Variants in ZNF292 observed in about 807,000 individuals in gnomAD.
ZNF292 encodes the protein zinc finger protein 292.
Under a neutral mutation model 217.9 loss-of-function variants are expected in ZNF292, and 26 were observed. That is an observed-to-expected ratio of 0.12 (90% CI 0.09 to 0.17). The LOEUF (loss-of-function observed/expected upper bound fraction) is 0.17. ZNF292 is among the 10% of genes least tolerant of loss of function. The pLI, the probability that ZNF292 is intolerant of heterozygous loss-of-function variation, is 1.00. For synonymous variants in ZNF292, 1,257 were observed against 1,124.1 expected (o/e 1.12, Z -2.37); for missense variants, 2,904 against 3,175.2 (o/e 0.91, Z 2.05).
In ZNF292 at chr6:87,259,982, A is replaced by C; in HGVS notation, c.6353A>C (p.His2118Pro). 1 of 1,613,640 alleles carries C rather than the reference A, an allele frequency of 6.2e-7. No individual in the cohort carries two copies. The change falls in exon 8 of 8, where the codon CAC (histidine) becomes CCC (proline). Residue 2118 changes from histidine (H) to proline (P), a missense_variant. Transcript: ENST00000369577. ...YSPYRPYRCV[H>P]QGCFAAFTIQ... ...CCTTACAGACCTTATCGATGTGTTC[A>C]CCAGGGATGCTTTGCTGCCTTTACG...
intron 1 of ZNF292, among the ~76,000 whole-genome samples, chr6:87,198,815 C>T (rs558208351): frequency 5.6e-4 from 85 of 152,320 alleles, no homozygotes; most frequent in African/African-American, 2.0e-3. Context: ...AATATTCTTA[C>T]TAAATGGGAT....
rs1483745287 is a variant in ZNF292, at chr6:87,264,184, T to A, written c.*2383T>A. 7 of 152,308 alleles carry A rather than the reference T, an allele frequency of 4.6e-5. No individual in the cohort carries two copies. In the East Asian group the frequency reaches 1.3e-3, roughly 29 times the overall value. 9.4% of individuals were successfully genotyped at this position (152,308 alleles called of 1,614,324 possible). A position where few individuals can be genotyped will look rare whatever the true frequency, so the allele number is the denominator to read the frequency against. On this transcript the variant is annotated 3_prime_UTR_variant, in exon 8 of 8. Coordinates refer to ENST00000369577, the MANE Select transcript of ZNF292 (RefSeq NM_015021.3). ...AGTATTAAAAAATCATAAAATATATTTTTTTCATGGTATACTTTTCCCCAG... is the reference window on the plus strand; with the variant it reads ...AGTATTAAAAAATCATAAAATATATATTTTTCATGGTATACTTTTCCCCAG...
At chr6:87,169,746 A>G (rs1349623034) in intron 1 of ZNF292, 2 of 434,916 alleles carry the variant, frequency 4.6e-6, no homozygotes, top group African/African-American at 4.1e-5. Context: ...TCCCGGGCTC[A>G]AGTGATCCTC....
intron 1 of ZNF292, among the ~76,000 whole-genome samples, chr6:87,176,391 C>A (rs1249112193): frequency 6.6e-6 from 1 of 152,086 alleles, no homozygotes; most frequent in Admixed American, 6.5e-5. Context: ...TCTTAATGTT[C>A]CTGTGTTTTC....
At chr6:87,252,413 A>T (rs574862099) in intron 7 of ZNF292, among the ~76,000 whole-genome samples, 1 of 152,144 alleles carries the variant, frequency 6.6e-6, no homozygotes, top group East Asian at 1.9e-4. Context: ...TCAGCCTCCC[A>T]AAGTGCAGGG....
chr6:87,255,570 G>C lies in ZNF292; in HGVS notation c.1941G>C (p.Val647=), dbSNP rs57730988. 1.2e-6 allele frequency: 2 copies of C among 1,610,646 alleles called. No individual in the cohort carries two copies. Among genetic ancestry groups the C allele is most frequent in the East Asian group, 2.2e-5 (1 of 44,822 alleles). ...GTCTCTATTCAACAGATTTTATAGTGTTTAATGACAATGATGGTTCAGATG... is the reference window on the plus strand; with the variant it reads ...GTCTCTATTCAACAGATTTTATAGTCTTTAATGACAATGATGGTTCAGATG... ...KNSLYSTDFI[V]FNDNDGSDDE... The change falls in exon 8 of 8, where the codon GTG becomes GTC. Residue 647 remains valine, a synonymous_variant. Coordinates refer to ENST00000369577, the MANE Select transcript of ZNF292 (RefSeq NM_015021.3).
rs578036662 is a variant in ZNF292, at chr6:87,264,129, G to A, written c.*2328G>A. Reference sequence around the variant, plus strand: ...ACATGAATTTATAGAATAGCATGTTGGTAAATTTTGATACGGAATGTAATG... The same window carrying A: ...ACATGAATTTATAGAATAGCATGTTAGTAAATTTTGATACGGAATGTAATG... On this transcript the variant is annotated 3_prime_UTR_variant, in exon 8 of 8. Coordinates refer to ENST00000369577, the MANE Select transcript of ZNF292 (RefSeq NM_015021.3). The A allele has an allele frequency of 6.6e-6, 1 of 152,054 alleles. No individual in the cohort carries two copies. Among genetic ancestry groups the A allele is most frequent in the Non-Finnish European group, 1.5e-5 (1 of 67,956 alleles). 9.4% of individuals were successfully genotyped at this position (152,054 alleles called of 1,614,324 possible). A position where few individuals can be genotyped will look rare whatever the true frequency, so the allele number is the denominator to read the frequency against.
chr6:87,206,338 CTTTGCTTTT>C (rs1328579366), intron 1 of ZNF292, among the ~76,000 whole-genome samples: 10 of 88,278 alleles, frequency 1.1e-4, no homozygotes, highest in African/African-American at 8.2e-5. Flanking sequence ...ACCCTCAGTA[CTTTGCTTTT>C]CAAACTCTTC....
intron 4 of ZNF292, among the ~76,000 whole-genome samples, chr6:87,227,761 G>A (rs1204338372): frequency 4.6e-5 from 7 of 152,158 alleles, no homozygotes; most frequent in Non-Finnish European, 8.8e-5. Context: ...GTGGTAGCAT[G>A]TGAAAGGATT....
intron 4 of ZNF292, among the ~76,000 whole-genome samples, chr6:87,226,597 C>T (rs1253437339): frequency 1.3e-5 from 2 of 148,714 alleles, no homozygotes; most frequent in East Asian, 3.9e-4. Flanking sequence ...TTTCTTAAAG[C>T]TCCTAGACAA....
intron 1 of ZNF292, among the ~76,000 whole-genome samples, chr6:87,193,093 G>A (rs188061562): frequency 2.0e-5 from 3 of 152,304 alleles, no homozygotes; most frequent in East Asian, 1.9e-4. Flanking sequence ...GGCTCAAGCA[G>A]TTCTCCTGCC....
At chr6:87,243,662 A>G (rs914673200) in intron 6 of ZNF292, 51 bp downstream of exon 6, 13 of 1,395,366 alleles carry the variant, frequency 9.3e-6, no homozygotes, top group Non-Finnish European at 1.2e-5. Context: ...TAAGAATGCA[A>G]AATAGGCTGT....
intron 1 of ZNF292, among the ~76,000 whole-genome samples, chr6:87,187,034 T>G (rs925732458): frequency 6.6e-6 from 1 of 152,242 alleles, no homozygotes; most frequent in Non-Finnish European, 1.5e-5. Context: ...CATTCTGGTC[T>G]TTTTTAGTTA....
At chr6:87,226,892 C>T (rs1385428165) in intron 4 of ZNF292, among the ~76,000 whole-genome samples, 2 of 151,822 alleles carry the variant, frequency 1.3e-5, no homozygotes, top group African/African-American at 4.8e-5. Context: ...GTTGGCCAGG[C>T]TGGTCTCAAA....
At chr6:87,175,533 C>T (rs923147881) in intron 1 of ZNF292, among the ~76,000 whole-genome samples, 1 of 152,088 alleles carries the variant, frequency 6.6e-6, no homozygotes, top group African/African-American at 2.4e-5. Flanking sequence ...GAGACAGTGT[C>T]TCACTATGTT....
chr6:87,171,264 A>G (rs1771087603), intron 1 of ZNF292, among the ~76,000 whole-genome samples: 1 of 152,166 alleles, frequency 6.6e-6, no homozygotes, highest in East Asian at 1.9e-4. Context: ...ATTTTAAACT[A>G]GAATTTGAGA....
intron 4 of ZNF292, 33 bp from the exon 5 acceptor site, chr6:87,233,292 T>C (rs979259910): frequency 1.1e-5 from 16 of 1,463,022 alleles, no homozygotes; most frequent in Middle Eastern, 2.3e-4. Context: ...TATTACCAAA[T>C]GTTAATAATC....
intron 4 of ZNF292, chr6:87,222,998 A>G (rs1773165962): frequency 3.5e-6 from 1 of 283,776 alleles, no homozygotes; most frequent in Admixed American, 3.7e-5. Flanking sequence ...GTAAAGTACC[A>G]TTGCCATCAC....
At chr6:87,240,040 A>G (rs1224349264) in intron 5 of ZNF292, among the ~76,000 whole-genome samples, 1 of 152,152 alleles carries the variant, frequency 6.6e-6, no homozygotes, top group Non-Finnish European at 1.5e-5. Flanking sequence ...AGATCAGACC[A>G]CTGCACTCCA....
Sources: gnomAD v4.1 joint callset for allele counts (sites outside exome capture counted in the v4.1 genomes callset) on GRCh38, gnomAD v4.1.1 for gene constraint, MANE v1.5 for transcripts, NCBI Gene and HGNC (gene_info 2026-07-23, HGNC 2026-07-21) for gene names.